ASAP1: variants seen among roughly 807,000 people sequenced by gnomAD.
ASAP1 encodes arf-GAP with SH3 domain, ANK repeat and PH domain-containing protein 1.
In ASAP1, 43 loss-of-function variants were observed where a neutral mutation model predicts 145.2. The observed-to-expected ratio is 0.30, with a 90% CI of 0.23 to 0.38. The LOEUF (loss-of-function observed/expected upper bound fraction) is 0.38. Ranked by LOEUF, ASAP1 falls within the 10% of genes least tolerant of loss-of-function variation. The probability of loss-of-function intolerance (pLI) is 1.00; values close to 1 mark genes in which losing one functional copy is unlikely to be tolerated. For missense variants in ASAP1, 1,018 were observed against 1,355.3 expected (o/e 0.75, Z 3.91); for synonymous variants, 546 against 515.5 (o/e 1.06, Z -0.80).
At chr8:130,411,291 A>G (rs1476597365) in intron 1 of ASAP1, among the ~76,000 whole-genome samples, 27 of 152,244 alleles carry the variant, frequency 1.8e-4, no homozygotes, top group Admixed American at 1.6e-3. Flanking sequence ...CTCTGCCCCA[A>G]GAGCTTGCTC....
At chr8:130,414,372 A>G (rs1183480158) in intron 1 of ASAP1, among the ~76,000 whole-genome samples, 3 of 152,200 alleles carry the variant, frequency 2.0e-5, no homozygotes, top group East Asian at 3.8e-4. Flanking sequence ...TGCATTTACA[A>G]GGTTCTTGAC....
rs1322310513 is a variant in ASAP1 at position 130,434,097 on chromosome 8, C to T, written c.-28+9363G>A. On this transcript the variant is annotated intron_variant, in intron 1 of 29. Transcript: ENST00000518721. ...ATGGAAGGCCAAGGCAGGTGGATCA[C>T]TTGAGTCCAGGAGTTCGAGACCAAC... is the stretch of plus-strand genomic sequence containing the variant. Among the ~76,000 whole-genome samples the T allele has an allele frequency of 2.0e-5, 3 of 152,330 alleles. No individual in the cohort carries two copies. The East Asian group carries it at 5.8e-4, about 29-fold the overall frequency.
intron 3 of ASAP1, among the ~76,000 whole-genome samples, chr8:130,353,254 C>T (rs1410797368): frequency 6.6e-6 from 1 of 152,178 alleles, no homozygotes; most frequent in African/African-American, 2.4e-5. Context: ...TTGTATATAG[C>T]AGGGCCTCCC....
chr8:130,297,588 G>A (rs1822365536), intron 3 of ASAP1, among the ~76,000 whole-genome samples: 1 of 152,172 alleles, frequency 6.6e-6, no homozygotes, highest in South Asian at 2.1e-4. Context: ...CAGAAGTGCA[G>A]GACGACTATC....
chr8:130,400,054 A>C (rs934180675), intron 2 of ASAP1, among the ~76,000 whole-genome samples: 1 of 152,128 alleles, frequency 6.6e-6, no homozygotes, highest in African/African-American at 2.4e-5. Context: ...TCCCAACCTC[A>C]GGTGATCCGC....
At chr8:130,418,988 T>TA (rs1460850043) in intron 1 of ASAP1, among the ~76,000 whole-genome samples, 2 of 151,976 alleles carry the variant, frequency 1.3e-5, no homozygotes, top group African/African-American at 2.4e-5. Flanking sequence ...AGAGGCCTGG[T>TA]AAAAGGCAGA....
intron 3 of ASAP1, among the ~76,000 whole-genome samples, chr8:130,354,207 A>G (rs891696461): frequency 6.6e-6 from 1 of 152,090 alleles, no homozygotes; most frequent in Non-Finnish European, 1.5e-5. Flanking sequence ...AGATTTTTAA[A>G]TTCCATTTTA....
At chr8:130,314,267 T>C (rs534177077) in intron 3 of ASAP1, among the ~76,000 whole-genome samples, 1 of 152,318 alleles carries the variant, frequency 6.6e-6, no homozygotes, top group African/African-American at 2.4e-5. Flanking sequence ...TACCACTTTT[T>C]ATGATGCTCT....
chr8:130,137,325 TC>T (rs1204329255), intron 13 of ASAP1, among the ~76,000 whole-genome samples: 1 of 152,168 alleles, frequency 6.6e-6, no homozygotes, highest in Non-Finnish European at 1.5e-5. Context: ...AAATTAGGTG[TC>T]CTACTAAATG....
intron 3 of ASAP1, among the ~76,000 whole-genome samples, chr8:130,340,232 T>C (rs1437451640): frequency 1.3e-5 from 2 of 152,132 alleles, no homozygotes; most frequent in Admixed American, 1.3e-4. Context: ...GAAAAAGGTG[T>C]CTACAAGGCA....
chr8:130,210,995 C>G (rs1287728964), intron 5 of ASAP1, among the ~76,000 whole-genome samples: 1 of 152,102 alleles, frequency 6.6e-6, no homozygotes, highest in African/African-American at 2.4e-5. Flanking sequence ...TTTTTAGAGA[C>G]AAGGAAACTA....
chr8:130,443,188 C>T (rs1368439680), intron 1 of ASAP1, among the ~76,000 whole-genome samples: 1 of 151,912 alleles, frequency 6.6e-6, no homozygotes, highest in Non-Finnish European at 1.5e-5. Flanking sequence ...CAGGGGCCCC[C>T]TCTCCCGAGC....
chr8:130,102,079 C>A (rs1406222723), intron 24 of ASAP1, among the ~76,000 whole-genome samples: 1 of 151,978 alleles, frequency 6.6e-6, no homozygotes, highest in Non-Finnish European at 1.5e-5. Context: ...AGTTTGGATG[C>A]CCTTTATTGC....
In ASAP1 at chr8:130,101,007, T is replaced by G. The variant is rs542753240; in HGVS notation, c.2402-8864A>C. ...CTTTAATTCATCTTGAGTTGAGAGATACCCAGCTTTCTCAGCAAATTAAAG... is the reference window on the plus strand; with the variant it reads ...CTTTAATTCATCTTGAGTTGAGAGAGACCCAGCTTTCTCAGCAAATTAAAG... On this transcript the variant is annotated intron_variant, in intron 24 of 29. Transcript: ENST00000518721. 2.0e-5 allele frequency among the ~76,000 whole-genome samples: 3 copies of G among 152,318 alleles called. No homozygotes were observed. In the East Asian group the frequency reaches 5.8e-4, roughly 29 times the overall value.
At chr8:130,425,572 G>A (rs1283717074) in intron 1 of ASAP1, among the ~76,000 whole-genome samples, 2 of 152,172 alleles carry the variant, frequency 1.3e-5, no homozygotes, top group Non-Finnish European at 2.9e-5. Context: ...TGGACCAGCA[G>A]AGGGAACAGA....
chr8:130,132,978 G>T (rs189976892), intron 15 of ASAP1, among the ~76,000 whole-genome samples: 96 of 152,214 alleles, frequency 6.3e-4, no homozygotes, highest in Admixed American at 1.0e-3. Flanking sequence ...AAAAGTAAGC[G>T]AGTGGGAGAG....
At chr8:130,204,462 T>C (rs1816075274) in intron 5 of ASAP1, among the ~76,000 whole-genome samples, 1 of 152,144 alleles carries the variant, frequency 6.6e-6, no homozygotes, top group Non-Finnish European at 1.5e-5. Context: ...GGTTACTACC[T>C]GGTAGGGCTG....
At chr8:130,329,435 G>A (rs560792512) in intron 3 of ASAP1, among the ~76,000 whole-genome samples, 4 of 152,110 alleles carry the variant, frequency 2.6e-5, no homozygotes, top group Non-Finnish European at 5.9e-5. Flanking sequence ...AAAGATCCAG[G>A]ATCTTGGATT....
chr8:130,345,855 A>G (rs911240200), intron 3 of ASAP1, among the ~76,000 whole-genome samples: 10 of 152,238 alleles, frequency 6.6e-5, no homozygotes, highest in African/African-American at 2.4e-4. Flanking sequence ...GACTAGTATT[A>G]CTAGGCCAAC....
Sources: gnomAD v4.1 joint callset for allele counts (sites outside exome capture counted in the v4.1 genomes callset) on GRCh38, gnomAD v4.1.1 for gene constraint, MANE v1.5 for transcripts, NCBI Gene and HGNC (gene_info 2026-07-23, HGNC 2026-07-21) for gene names.